Variants in ERC2 observed in about 807,000 individuals in gnomAD.
The protein encoded by ERC2 is ELKS/RAB6-interacting/CAST family member 2.
A neutral mutation model predicts 114.8 loss-of-function variants in ERC2; 42 were observed. The ratio of observed to expected loss-of-function variants is 0.37; its 90% CI spans 0.29 to 0.47. The LOEUF (loss-of-function observed/expected upper bound fraction) is 0.47. Among genes scored for constraint, ERC2 ranks in the 20% least tolerant of loss-of-function variants. The probability of loss-of-function intolerance (pLI) is 0.99; values close to 1 mark genes in which losing one functional copy is unlikely to be tolerated. For synonymous variants in ERC2, 454 were observed against 425.5 expected (o/e 1.07, Z -0.82); for missense variants, 939 against 1,150.7 (o/e 0.82, Z 2.66).
intron 13 of ERC2, among the ~76,000 whole-genome samples, chr3:55,940,929 G>C (rs1296591177): frequency 6.6e-6 from 1 of 152,146 alleles, no homozygotes; most frequent in Admixed American, 6.5e-5. Flanking sequence ...CCCAATAAAA[G>C]GCATGCAAAG....
chr3:55,715,000 G>C (rs896303418), intron 15 of ERC2, among the ~76,000 whole-genome samples: 1 of 152,026 alleles, frequency 6.6e-6, no homozygotes, highest in African/African-American at 2.4e-5. Flanking sequence ...TGAGACTCCT[G>C]TTGCCTTCTA....
At chr3:55,905,148 T>G (rs1013243321) in intron 13 of ERC2, among the ~76,000 whole-genome samples, 11 of 152,190 alleles carry the variant, frequency 7.2e-5, no homozygotes, top group Non-Finnish European at 1.6e-4. Context: ...TGGCTCAATC[T>G]CGGCTCACTG....
At chr3:56,435,537 G>T (rs1238947175) in intron 1 of ERC2, among the ~76,000 whole-genome samples, 1 of 152,174 alleles carries the variant, frequency 6.6e-6, no homozygotes, top group Non-Finnish European at 1.5e-5. Context: ...CTCCTTTGGG[G>T]CATAACCCCT....
At chr3:56,229,228 T>C (rs1452211) in intron 3 of ERC2, among the ~76,000 whole-genome samples, 141,217 of 152,248 alleles carry the variant, frequency 0.93, 65,772 homozygotes, top group East Asian at 1. Context: ...TTAATAGGTA[T>C]TCATATGTTA....
At chr3:55,799,008 A>G (rs1037801821) in intron 14 of ERC2, among the ~76,000 whole-genome samples, 1 of 152,208 alleles carries the variant, frequency 6.6e-6, no homozygotes, top group African/African-American at 2.4e-5. Context: ...CAAGAAGCGC[A>G]TGTACGTAAG....
At chr3:55,617,681 A>T (rs1428943247) in intron 17 of ERC2, among the ~76,000 whole-genome samples, 1 of 152,206 alleles carries the variant, frequency 6.6e-6, no homozygotes, top group African/African-American at 2.4e-5. Flanking sequence ...TGCCACTTGA[A>T]CATTTTCTGT....
At position 56,206,561 on chromosome 3, in the gene ERC2, G is replaced by A. The variant is rs559357263; in HGVS notation, c.1075-33041C>T. On this transcript the variant is annotated intron_variant, in intron 3 of 17. Coordinates refer to ENST00000288221, the MANE Select transcript of ERC2 (RefSeq NM_015576.3). ...TAGTTAATTTTTATCCATTATAAGA[G>A]TTACATTCATCTGAGACAAAAAGAG... Among the ~76,000 whole-genome samples, 13 of 152,256 alleles carry A rather than the reference G, an allele frequency of 8.5e-5. No homozygotes were observed. The East Asian group carries it at 2.3e-3, about 27-fold the overall frequency.
intron 6 of ERC2, among the ~76,000 whole-genome samples, chr3:56,107,416 C>A (rs148385928): frequency 6.6e-6 from 1 of 152,018 alleles, no homozygotes; most frequent in African/African-American, 2.4e-5. Flanking sequence ...TCTGACTCAA[C>A]CAAGGGGCTT....
intron 17 of ERC2, among the ~76,000 whole-genome samples, chr3:55,648,548 A>G (rs2060483825): frequency 6.6e-6 from 1 of 152,196 alleles, no homozygotes; most frequent in Non-Finnish European, 1.5e-5. Flanking sequence ...GCTGCCTCCA[A>G]GGGCCACTTG....
chr3:56,144,616 G>A (rs1156727818), intron 5 of ERC2, among the ~76,000 whole-genome samples: 3 of 152,212 alleles, frequency 2.0e-5, no homozygotes, highest in Non-Finnish European at 4.4e-5. Flanking sequence ...AAATCAACTG[G>A]ATATAGACAA....
intron 14 of ERC2, among the ~76,000 whole-genome samples, chr3:55,787,978 G>T (rs1391948032): frequency 2.6e-5 from 4 of 152,192 alleles, no homozygotes; most frequent in African/African-American, 9.7e-5. Flanking sequence ...TGACTAAGTA[G>T]CCAGTAGCAA....
chr3:56,415,481 T>C lies in ERC2; in HGVS notation c.657+18870A>G, dbSNP rs570739717. On this transcript the variant is annotated intron_variant, in intron 2 of 17. Coordinates refer to ENST00000288221, the MANE Select transcript of ERC2 (RefSeq NM_015576.3). ...GTCCGAATGCTGAAAGTAAGGGAAA[T>C]ATAGAAATTGTATTTAAGCCAGGGC... Among the ~76,000 whole-genome samples the C allele has an allele frequency of 9.8e-4, 149 of 152,302 alleles. 2 individuals are homozygous for C. The highest frequency in any genetic ancestry group is 2.1e-3 in the South Asian group (10 of 4,824).
intron 15 of ERC2, among the ~76,000 whole-genome samples, chr3:55,709,004 G>A (rs1261638609): frequency 5.3e-5 from 8 of 152,140 alleles, no homozygotes; most frequent in African/African-American, 9.7e-5. Flanking sequence ...GACAAGTGAA[G>A]ACAACATTTT....
At chr3:56,076,416 A>G (rs1274023366) in intron 7 of ERC2, among the ~76,000 whole-genome samples, 1 of 144,204 alleles carries the variant, frequency 6.9e-6, no homozygotes, top group Non-Finnish European at 1.5e-5. Flanking sequence ...CCAAATGTAC[A>G]ATGTCATCAG....
At chr3:55,897,150 C>T (rs1360336846) in intron 13 of ERC2, among the ~76,000 whole-genome samples, 1 of 152,184 alleles carries the variant, frequency 6.6e-6, no homozygotes, top group Non-Finnish European at 1.5e-5. Flanking sequence ...TCGACTTAAA[C>T]TTACACATAC....
chr3:55,640,264 C>A (rs2148652705), intron 17 of ERC2, among the ~76,000 whole-genome samples: 1 of 152,318 alleles, frequency 6.6e-6, no homozygotes, highest in East Asian at 1.9e-4. Context: ...CCAGGTTTTT[C>A]TACAAGGCTC....
At chr3:55,963,883 A>G (rs2068564073) in intron 12 of ERC2, among the ~76,000 whole-genome samples, 2 of 152,196 alleles carry the variant, frequency 1.3e-5, no homozygotes, top group South Asian at 4.1e-4. Flanking sequence ...ATATACAGCC[A>G]AGGCAGCCTA....
At chr3:56,185,016 A>G (rs1367174349) in intron 3 of ERC2, 1 of 152,178 alleles carries the variant, frequency 6.6e-6, no homozygotes, top group Non-Finnish European at 1.5e-5. Flanking sequence ...TAAAGAACAA[A>G]TTGGGCCAAT....
chr3:55,577,493 C>T (rs1027828067), intron 17 of ERC2, among the ~76,000 whole-genome samples: 2 of 152,184 alleles, frequency 1.3e-5, no homozygotes, highest in Non-Finnish European at 2.9e-5. Flanking sequence ...TGCTCCCCAG[C>T]GGCTGCCTCT....
Sources: gnomAD v4.1 joint callset for allele counts (sites outside exome capture counted in the v4.1 genomes callset) on GRCh38, gnomAD v4.1.1 for gene constraint, MANE v1.5 for transcripts, NCBI Gene and HGNC (gene_info 2026-07-23, HGNC 2026-07-21) for gene names.